The following ESRP1 variants were observed in gnomAD, a reference collection of about 807,000 sequenced individuals.
ESRP1 encodes RNA-binding motif protein 35A.
Under a neutral mutation model 81.7 loss-of-function variants are expected in ESRP1, and 33 were observed. The observed-to-expected ratio is 0.40, with a 90% CI of 0.31 to 0.54. The LOEUF (loss-of-function observed/expected upper bound fraction) is 0.54. ESRP1 is among the 20% of genes least tolerant of loss of function. The probability of loss-of-function intolerance (pLI) is 0.41; values close to 1 mark genes in which losing one functional copy is unlikely to be tolerated. For synonymous variants in ESRP1, 320 were observed against 303.3 expected, an observed-to-expected ratio of 1.06 and a Z score of -0.57; for missense variants, 672 against 833.1, an observed-to-expected ratio of 0.81 and a Z score of 2.38.
chr8:94,680,955 C>T (rs970870731), intron 13 of ESRP1, among the ~76,000 whole-genome samples: 3 of 151,776 alleles, frequency 2.0e-5, no homozygotes, highest in Admixed American at 6.6e-5. Context: ...GTAATCCCAG[C>T]GCTTTGGGAG....
chr8:94,681,175 A>C (rs1431697641), intron 13 of ESRP1, among the ~76,000 whole-genome samples: 4 of 151,692 alleles, frequency 2.6e-5, no homozygotes, highest in African/African-American at 9.7e-5. Flanking sequence ...AAATACAAAA[A>C]ATTAGCCGGG....
intron 13 of ESRP1, among the ~76,000 whole-genome samples, chr8:94,689,962 G>A (rs1172048388): frequency 1.3e-5 from 2 of 151,510 alleles, no homozygotes; most frequent in South Asian, 2.1e-4. Context: ...GACTACAGGC[G>A]CCCACCACCA....
intron 4 of ESRP1, among the ~76,000 whole-genome samples, chr8:94,652,838 C>T (rs1157560718): frequency 6.6e-6 from 1 of 152,114 alleles, no homozygotes; most frequent in Non-Finnish European, 1.5e-5. Context: ...GCTTTCATCC[C>T]CATTTTATCA....
chr8:94,705,724 T>C, intron 15 of ESRP1: 1 of 550,912 alleles, frequency 1.8e-6, no homozygotes, highest in Non-Finnish European at 3.2e-6. Flanking sequence ...CCATGGAAAC[T>C]TCCTTGGCTA....
At chr8:94,645,452 A>T (rs1464662496) in intron 3 of ESRP1, among the ~76,000 whole-genome samples, 1 of 151,972 alleles carries the variant, frequency 6.6e-6, no homozygotes, top group South Asian at 2.1e-4. Context: ...AGGAAACAAT[A>T]GTGTAATATT....
At chr8:94,656,247 CA>C (rs1818411845) in intron 4 of ESRP1, 1 of 151,344 alleles carries the variant, frequency 6.6e-6, no homozygotes. Flanking sequence ...GAGACGGAGT[CA>C]TCGTCTGTCG....
chr8:94,678,089 T>C, intron 12 of ESRP1, 114 bp from the exon 13 acceptor site: 1 of 1,089,410 alleles, frequency 9.2e-7, no homozygotes, highest in Non-Finnish European at 1.3e-6. Flanking sequence ...GATAAAGAAC[T>C]GTGGTCTCTT....
At chr8:94,688,930 C>G (rs1809257020) in intron 13 of ESRP1, among the ~76,000 whole-genome samples, 1 of 152,034 alleles carries the variant, frequency 6.6e-6, no homozygotes, top group African/African-American at 2.4e-5. Context: ...ACCTGTAGAT[C>G]AATTTGGTGG....
intron 13 of ESRP1, among the ~76,000 whole-genome samples, chr8:94,681,287 C>T (rs1808867842): frequency 2.3e-5 from 3 of 129,390 alleles, no homozygotes; most frequent in Non-Finnish European, 4.7e-5. Context: ...GATCATGTCA[C>T]TGCACTCCAG....
intron 4 of ESRP1, among the ~76,000 whole-genome samples, chr8:94,648,240 G>C (rs927546397): frequency 3.3e-5 from 5 of 152,156 alleles, no homozygotes; most frequent in African/African-American, 1.2e-4. Context: ...CTGGGTAACA[G>C]AGCAAGACCC....
At chr8:94,685,986 C>A (rs1809123646) in intron 13 of ESRP1, among the ~76,000 whole-genome samples, 1 of 152,204 alleles carries the variant, frequency 6.6e-6, no homozygotes, top group Non-Finnish European at 1.5e-5. Flanking sequence ...CTCCCTCTGT[C>A]ACCCAGGCTG....
chr8:94,697,836 C>T (rs1283036910), intron 15 of ESRP1, among the ~76,000 whole-genome samples: 1 of 152,076 alleles, frequency 6.6e-6, no homozygotes. Flanking sequence ...GGCTGGAGTG[C>T]AATGGCATAA....
rs1586252329 is a variant in ESRP1 at position 94,692,025 on chromosome 8, G to A, written c.1821-652G>A. Among the ~76,000 whole-genome samples, 3 of 152,256 alleles carry A rather than the reference G, an allele frequency of 2.0e-5. 1 individual carries two copies. In the East Asian group the frequency reaches 5.8e-4, roughly 29 times the overall value. ...GTTTACTTGGCTGGTGTTCCTTGGAGGTTATGGTTGCAGATATACCGGAAG... is the reference window on the plus strand; with the variant it reads ...GTTTACTTGGCTGGTGTTCCTTGGAAGTTATGGTTGCAGATATACCGGAAG... On this transcript the variant is annotated intron_variant, in intron 13 of 15. Transcript: ENST00000433389.
intron 12 of ESRP1, 94 bp downstream of exon 12, chr8:94,674,600 G>C (rs983201068): frequency 9.7e-6 from 11 of 1,139,496 alleles, no homozygotes; most frequent in East Asian, 2.5e-5. Flanking sequence ...GGTTCTTTCT[G>C]AGGCAGGTGA....
intron 15 of ESRP1, among the ~76,000 whole-genome samples, chr8:94,700,302 A>G (rs1483331710): frequency 6.6e-6 from 1 of 152,194 alleles, no homozygotes. Flanking sequence ...AAAATAGATC[A>G]TGAATTATCT....
chr8:94,650,043 C>G (rs1368008225), intron 4 of ESRP1, among the ~76,000 whole-genome samples: 2 of 152,136 alleles, frequency 1.3e-5, no homozygotes, highest in Non-Finnish European at 2.9e-5. Flanking sequence ...CCCGTGCCCC[C>G]TCACTGTGAA....
chr8:94,641,538 T>C (rs1381746751), intron 1 of ESRP1, 88 bp downstream of exon 1: 10 of 1,558,910 alleles, frequency 6.4e-6, no homozygotes, highest in Non-Finnish European at 7.9e-6. Flanking sequence ...TGGAGGTAAG[T>C]AAATAAGTGC....
intron 13 of ESRP1, among the ~76,000 whole-genome samples, chr8:94,688,834 C>T (rs1809252898): frequency 6.6e-6 from 1 of 152,032 alleles, no homozygotes; most frequent in Non-Finnish European, 1.5e-5. Context: ...TATTCTGGAT[C>T]CTTTTTATTT....
intron 13 of ESRP1, among the ~76,000 whole-genome samples, chr8:94,682,904 T>TTTTATATATATA (rs1452052553): frequency 2.0e-4 from 6 of 29,848 alleles, no homozygotes; most frequent in African/African-American, 1.1e-3. Context: ...ATTCATTATT[T>TTTTATATATATA]TATATATATA....
Sources: gnomAD v4.1 joint callset for allele counts (sites outside exome capture counted in the v4.1 genomes callset) on GRCh38, gnomAD v4.1.1 for gene constraint, MANE v1.5 for transcripts, NCBI Gene and HGNC (gene_info 2026-07-23, HGNC 2026-07-21) for gene names.